Variants in MPRIP observed in about 807,000 individuals in gnomAD.
MPRIP encodes myosin phosphatase Rho interacting protein.
MPRIP carries 59 observed loss-of-function variants against 234.9 expected under a neutral mutation model. That is an observed-to-expected ratio of 0.25 (90% CI 0.20 to 0.31). The LOEUF (loss-of-function observed/expected upper bound fraction) is 0.31, where lower values mean the gene tolerates loss of function less well. Among genes scored for constraint, MPRIP ranks in the 10% least tolerant of loss-of-function variants. The pLI is 1.00. For missense variants in MPRIP, 2,436 were observed against 3,071.0 expected (o/e 0.79, Z 4.89); for synonymous variants, 1,144 against 1,263.9 (o/e 0.91, Z 2.01).
intron 7 of MPRIP, among the ~76,000 whole-genome samples, chr17:17,140,665 C>A (rs2090794090): frequency 1.3e-5 from 2 of 152,232 alleles, no homozygotes; most frequent in Admixed American, 6.5e-5. Flanking sequence ...AAGCCACAGT[C>A]ATCTAGGCAA....
At position 17,165,534 on chromosome 17, in the gene MPRIP, C is replaced by G. The variant is rs1024161022; in HGVS notation, c.3943C>G (p.Pro1315Ala). Residue 1315 changes from proline to alanine, a missense_variant, in exon 16 of 24, where the codon CCT becomes GCT. Transcript: ENST00000651222. ...QGTAKLDQGA[P>A]GVKRQRIRFS... ...CACAGCCAAACTCGACCAAGGGGCACCTGGTGTTAAAAGGCAAAGAATCCG... is the reference window on the plus strand; with the variant it reads ...CACAGCCAAACTCGACCAAGGGGCAGCTGGTGTTAAAAGGCAAAGAATCCG... 4 of 1,304,366 alleles carry G rather than the reference C, an allele frequency of 3.1e-6. No homozygotes were observed. The highest frequency in any genetic ancestry group is 3.0e-5 in the African/African-American group (2 of 65,880). The allele number at this position is 1,304,366 out of a possible 1,614,324, so 80.8% of individuals were successfully genotyped here.
At chr17:17,182,732 C>G (rs952145308) in intron 23 of MPRIP, 5 of 152,552 alleles carry the variant, frequency 3.3e-5, no homozygotes, top group African/African-American at 1.2e-4. Context: ...TCAGGGCGCT[C>G]CCCTCCCCTG....
At chr17:17,114,837 G>A (rs1410144539) in intron 3 of MPRIP, among the ~76,000 whole-genome samples, 2 of 152,104 alleles carry the variant, frequency 1.3e-5, no homozygotes, top group African/African-American at 2.4e-5. Context: ...CCCAGGCAGC[G>A]GCCGAAGCCA....
Position 17,187,180 on chromosome 17 carries a change from C to T in MPRIP, c.*2286C>T, listed in dbSNP as rs2046492075. The T allele has an allele frequency of 6.6e-6, 1 of 152,220 alleles. No homozygotes were observed. Among genetic ancestry groups the T allele is most frequent in the Non-Finnish European group, 1.5e-5 (1 of 68,058 alleles). The allele number at this position is 152,220 out of a possible 1,614,324, so 9.4% of individuals were successfully genotyped here. On this transcript the variant is annotated 3_prime_UTR_variant, in exon 24 of 24. Coordinates refer to ENST00000651222, the MANE Select transcript of MPRIP (RefSeq NM_001364716.4). ...GTGCTTTAAATTAAAGCAAGTTTGC[C>T]CATAGGACAAAAGAGCATTTGATTC...
rs918772975 is a variant in MPRIP at position 17,146,180 on chromosome 17, C to T, written c.1560+88C>T. ...CTTGTCCCCAGCCAGTCTGCAAGTG[C>T]TGGCTCCATGCCTTCCTCCTCCATG... is the stretch of plus-strand genomic sequence containing the variant. On this transcript the variant is annotated intron_variant, in intron 10 of 23. Transcript: ENST00000651222. 1.6e-5 allele frequency: 20 copies of T among 1,218,412 alleles called. No homozygotes were observed. The African/African-American group carries it at 2.0e-4, about 12-fold the overall frequency. 75.5% of individuals were successfully genotyped at this position (1,218,412 alleles called of 1,614,324 possible).
intron 1 of MPRIP, among the ~76,000 whole-genome samples, chr17:17,070,549 C>CA (rs555469925): frequency 3.2e-4 from 48 of 152,214 alleles, no homozygotes; most frequent in Admixed American, 7.9e-4. Context: ...CTCTTAAGCC[C>CA]ACCCGGGAGC....
At chr17:17,100,845 T>G (rs1393071298) in intron 3 of MPRIP, among the ~76,000 whole-genome samples, 2 of 152,124 alleles carry the variant, frequency 1.3e-5, no homozygotes, top group East Asian at 1.9e-4. Flanking sequence ...ATCCATCCAT[T>G]CCCTGTGGCC....
intron 16 of MPRIP, 131 bp downstream of exon 16, chr17:17,168,046 G>T: frequency 1.3e-6 from 1 of 761,800 alleles, no homozygotes; most frequent in Non-Finnish European, 1.8e-6. Context: ...TGCTAGCCAT[G>T]GTGTGGTCTC....
chr17:17,140,759 C>T (rs937903549), intron 7 of MPRIP, among the ~76,000 whole-genome samples: 3 of 152,182 alleles, frequency 2.0e-5, no homozygotes, highest in Non-Finnish European at 2.9e-5. Context: ...TGAGTCACCT[C>T]TGGCTGCTGA....
intron 23 of MPRIP, among the ~76,000 whole-genome samples, chr17:17,181,035 C>T (rs1373594950): frequency 6.6e-6 from 1 of 152,202 alleles, no homozygotes; most frequent in African/African-American, 2.4e-5. Flanking sequence ...CTACCGTCAC[C>T]AAAGGCCTCG....
intron 1 of MPRIP, among the ~76,000 whole-genome samples, chr17:17,058,527 G>A (rs1012108833): frequency 2.0e-5 from 3 of 151,230 alleles, no homozygotes; most frequent in African/African-American, 7.3e-5. Context: ...ATGGAGAGTG[G>A]GGACCCAGGG....
At chr17:17,179,967 G>C (rs374124663) in intron 22 of MPRIP, 36 bp from the exon 23 acceptor site, 1 of 1,531,040 alleles carries the variant, frequency 6.5e-7, no homozygotes, top group African/African-American at 1.4e-5. Flanking sequence ...AGAAAGCAAA[G>C]GTAACAGGTC....
intron 3 of MPRIP, among the ~76,000 whole-genome samples, chr17:17,106,838 G>A (rs1460229913): frequency 1.3e-5 from 2 of 152,216 alleles, no homozygotes; most frequent in African/African-American, 4.8e-5. Flanking sequence ...CACTGTTGAT[G>A]CAAAGCTCCC....
chr17:17,177,435 C>T (rs777639453), intron 22 of MPRIP, 23 bp downstream of exon 22: 19 of 1,606,004 alleles, frequency 1.2e-5, no homozygotes, highest in Non-Finnish European at 1.5e-5. Flanking sequence ...GTCATGCCCT[C>T]TCGGTTATTG....
rs145060451 is a variant in MPRIP, at chr17:17,049,702, C to G, written c.123+6731C>G. Among the ~76,000 whole-genome samples the G allele has an allele frequency of 2.2e-4, 34 of 152,242 alleles. No individual in the cohort carries two copies. In the East Asian group the frequency reaches 6.6e-3, roughly 29 times the overall value. On this transcript the variant is annotated intron_variant, in intron 1 of 23. Coordinates refer to ENST00000651222, the MANE Select transcript of MPRIP (RefSeq NM_001364716.4). ...GGTTTTGCAGGCCAACAGGCAAAAT[C>G]GAGGAGGTTGTGTAGGATATAGCCA...
At chr17:17,075,570 C>T in intron 1 of MPRIP, 140 bp from the exon 2 acceptor site, 1 of 724,388 alleles carries the variant, frequency 1.4e-6, no homozygotes, top group South Asian at 1.7e-5. Context: ...GCTGCAGACG[C>T]ACCGCAGTGG....
intron 3 of MPRIP, among the ~76,000 whole-genome samples, chr17:17,120,791 A>G (rs1316197058): frequency 6.6e-6 from 1 of 152,242 alleles, no homozygotes; most frequent in Non-Finnish European, 1.5e-5. Context: ...CAGGAAGCTC[A>G]TCAGAGTTGC....
chr17:17,172,299 T>A (rs1423281930), intron 17 of MPRIP, among the ~76,000 whole-genome samples: 1 of 152,278 alleles, frequency 6.6e-6, no homozygotes, highest in Non-Finnish European at 1.5e-5. Context: ...CCCTCCGCCT[T>A]GTGCTGCCTT....
intron 3 of MPRIP, among the ~76,000 whole-genome samples, chr17:17,122,225 G>A (rs771044417): frequency 5.3e-5 from 8 of 152,210 alleles, no homozygotes; most frequent in Non-Finnish European, 7.3e-5. Context: ...TTGAGGAATT[G>A]CCACACTGTC....
Sources: gnomAD v4.1 joint callset for allele counts (sites outside exome capture counted in the v4.1 genomes callset) on GRCh38, gnomAD v4.1.1 for gene constraint, MANE v1.5 for transcripts, NCBI Gene and HGNC (gene_info 2026-07-23, HGNC 2026-07-21) for gene names.